Variants in DCLK1 observed in about 807,000 individuals in gnomAD.
DCLK1 encodes serine/threonine-protein kinase DCLK1.
DCLK1 carries 16 observed loss-of-function variants against 86.2 expected under a neutral mutation model. The ratio of observed to expected loss-of-function variants is 0.19; its 90% confidence interval spans 0.13 to 0.28. The LOEUF (loss-of-function observed/expected upper bound fraction) is 0.28. Among genes scored for constraint, DCLK1 ranks in the 10% least tolerant of loss-of-function variants. The pLI is 1.00. For missense variants in DCLK1, 590 were observed against 940.2 expected, an observed-to-expected ratio of 0.63 and a Z score of 4.87; for synonymous variants, 369 against 370.5, an observed-to-expected ratio of 1.00 and a Z score of 0.05.
chr13:35,804,546 C>T (rs867308875), intron 15 of DCLK1, among the ~76,000 whole-genome samples: 7 of 152,152 alleles, frequency 4.6e-5, no homozygotes, highest in Middle Eastern at 6.8e-3. Flanking sequence ...TATTCTCGTG[C>T]CTCAGCCTCC....
At chr13:35,774,819 T>G (rs1179396445) in intron 16 of DCLK1, 120 bp from the exon 17 acceptor site, 1 of 1,146,716 alleles carries the variant, frequency 8.7e-7, no homozygotes, top group African/African-American at 1.6e-5. Context: ...CTGTCCATCA[T>G]GGCACACTTT....
At position 35,871,371 on chromosome 13, in the gene DCLK1, A is replaced by C. The variant is rs1471285434; in HGVS notation, c.824-31T>G. On this transcript the variant is annotated intron_variant, in intron 4 of 16. Coordinates refer to ENST00000360631, the MANE Select transcript of DCLK1 (RefSeq NM_001330071.2). ...GAAAGAACAAAAACCACACATCATT[A>C]TGGGGTAATGGCACACACACACCAA... is the stretch of plus-strand genomic sequence containing the variant. The C allele has an allele frequency of 5.8e-6, 9 of 1,540,466 alleles. No homozygotes were observed. In the Admixed American group the frequency reaches 1.5e-4, roughly 26 times the overall value.
chr13:35,941,596 TACACACACGCAC>T (rs1285064130), intron 4 of DCLK1, among the ~76,000 whole-genome samples: 1 of 151,954 alleles, frequency 6.6e-6, no homozygotes, highest in African/African-American at 2.4e-5. Flanking sequence ...TGCACGGGCA[TACACACACGCAC>T]ACACACACGC....
chr13:35,958,469 A>G (rs991233390), intron 3 of DCLK1, among the ~76,000 whole-genome samples: 2 of 151,036 alleles, frequency 1.3e-5, no homozygotes, highest in Non-Finnish European at 3.0e-5. Flanking sequence ...TATCACCACC[A>G]CTATAACCAT....
intron 3 of DCLK1, among the ~76,000 whole-genome samples, chr13:35,987,366 G>A (rs971475275): frequency 1.3e-5 from 2 of 152,182 alleles, no homozygotes; most frequent in African/African-American, 4.8e-5. Context: ...CTTTTTAGAG[G>A]CAAGGGGGAG....
chr13:35,855,558 C>G, intron 5 of DCLK1: 1 of 1,598,214 alleles, frequency 6.3e-7, no homozygotes, highest in East Asian at 2.2e-5. Context: ...GACCTGAATA[C>G]CAACGGCGGA....
chr13:36,019,743 T>A (rs900369862), intron 3 of DCLK1, among the ~76,000 whole-genome samples: 1 of 152,198 alleles, frequency 6.6e-6, no homozygotes, highest in African/African-American at 2.4e-5. Context: ...AATACAAAAA[T>A]TGCAACTACA....
chr13:36,036,713 T>A (rs919214104), intron 3 of DCLK1, among the ~76,000 whole-genome samples: 2 of 152,126 alleles, frequency 1.3e-5, no homozygotes, highest in African/African-American at 4.8e-5. Flanking sequence ...ATGTTAAACA[T>A]TTATATACTA....
chr13:35,893,060 T>C (rs1475751727), intron 4 of DCLK1, among the ~76,000 whole-genome samples: 2 of 152,216 alleles, frequency 1.3e-5, no homozygotes, highest in African/African-American at 4.8e-5. Context: ...AGATAGTCAG[T>C]GGTGCCTGGA....
chr13:36,074,822 G>A (rs896042408), intron 3 of DCLK1, among the ~76,000 whole-genome samples: 1 of 152,174 alleles, frequency 6.6e-6, no homozygotes, highest in African/African-American at 2.4e-5. Flanking sequence ...TAGCAGACTC[G>A]CAGCTCCTTA....
rs1216624527 is a variant in DCLK1, at chr13:36,013,870, A to C, written c.724-66413T>G. On this transcript the variant is annotated intron_variant, in intron 3 of 16. Transcript: ENST00000360631. ...TTTGATCTCAGACTGCTGTGCTAGC[A>C]ATCAGCGAGATTCCGTGGGCTTAGG... Among the ~76,000 whole-genome samples, 3 of 152,278 alleles carry C rather than the reference A, an allele frequency of 2.0e-5. No individual in the cohort carries two copies. The East Asian group carries it at 5.8e-4, about 29-fold the overall frequency.
chr13:35,925,120 TAA>T (rs938915526), intron 4 of DCLK1, among the ~76,000 whole-genome samples: 3 of 152,224 alleles, frequency 2.0e-5, no homozygotes, highest in African/African-American at 7.2e-5. Flanking sequence ...GATTTTAGAA[TAA>T]AAGTTTCCTG....
intron 3 of DCLK1, among the ~76,000 whole-genome samples, chr13:35,982,366 G>C (rs1796997855): frequency 6.8e-6 from 1 of 147,856 alleles, no homozygotes; most frequent in African/African-American, 2.5e-5. Flanking sequence ...GGACAACAGA[G>C]TGAGACCCTA....
intron 5 of DCLK1, among the ~76,000 whole-genome samples, chr13:35,857,989 T>G (rs1349285048): frequency 6.6e-6 from 1 of 152,192 alleles, no homozygotes; most frequent in East Asian, 1.9e-4. Flanking sequence ...GGAGTTTGGT[T>G]TTTATCCAAA....
chr13:36,031,329 AC>A (rs1566653044), intron 3 of DCLK1, among the ~76,000 whole-genome samples: 3 of 149,662 alleles, frequency 2.0e-5, no homozygotes, highest in South Asian at 2.1e-4. Flanking sequence ...AACCACACAC[AC>A]ACAAAAAAAG....
chr13:35,794,358 C>T (rs2086764555), intron 15 of DCLK1, among the ~76,000 whole-genome samples: 1 of 152,120 alleles, frequency 6.6e-6, no homozygotes, highest in Admixed American at 6.5e-5. Flanking sequence ...GTGTTTGTAA[C>T]TCACTGCTAA....
rs1882908153 is a variant in DCLK1, at chr13:36,046,190, A to G, written c.723+65679T>C. Reference sequence around the variant, plus strand: ...CTTGCTTAATAAGCTTGCAGAAGCAAACATACACTCTACTGTGGCTTAACA... The same window carrying G: ...CTTGCTTAATAAGCTTGCAGAAGCAGACATACACTCTACTGTGGCTTAACA... On this transcript the variant is annotated intron_variant, in intron 3 of 16. Transcript: ENST00000360631. 8.5e-5 allele frequency among the ~76,000 whole-genome samples: 13 copies of G among 152,346 alleles called. No individual in the cohort carries two copies. In the South Asian group the frequency reaches 2.7e-3, roughly 32 times the overall value.
At chr13:35,916,650 A>T (rs1317916428) in intron 4 of DCLK1, among the ~76,000 whole-genome samples, 5 of 151,844 alleles carry the variant, frequency 3.3e-5, no homozygotes, top group South Asian at 2.1e-4. Context: ...GTCTCTGTAG[A>T]TACCCTTTCC....
intron 3 of DCLK1, among the ~76,000 whole-genome samples, chr13:36,044,890 C>A (rs914263451): frequency 2.6e-5 from 4 of 151,958 alleles, no homozygotes; most frequent in African/African-American, 9.7e-5. Flanking sequence ...GTCTAGGGAA[C>A]AGGACTTTCA....
Sources: gnomAD v4.1 joint callset for allele counts (sites outside exome capture counted in the v4.1 genomes callset) on GRCh38, gnomAD v4.1.1 for gene constraint, MANE v1.5 for transcripts, NCBI Gene and HGNC (gene_info 2026-07-23, HGNC 2026-07-21) for gene names.